Variants in TJP1 observed in about 807,000 individuals in gnomAD.
TJP1 encodes the protein tight junction protein ZO-1.
Under a neutral mutation model 194.2 loss-of-function variants are expected in TJP1, and 43 were observed. That is an observed-to-expected ratio of 0.22 (90% confidence interval 0.17 to 0.29). The LOEUF is 0.29. TJP1 is among the 10% of genes least tolerant of loss of function. The pLI is 1.00. For synonymous variants in TJP1, 801 were observed against 779.0 expected (o/e 1.03, Z -0.47); for missense variants, 1,971 against 2,185.7 (o/e 0.90, Z 1.96).
chr15:29,831,025 C>T (rs1224409657), intron 2 of TJP1, among the ~76,000 whole-genome samples: 1 of 152,050 alleles, frequency 6.6e-6, no homozygotes, highest in Non-Finnish European at 1.5e-5. Flanking sequence ...ATCTAAAACC[C>T]ATTAATTCAC....
intron 2 of TJP1, among the ~76,000 whole-genome samples, chr15:29,909,260 C>T (rs915459128): frequency 1.3e-5 from 2 of 149,930 alleles, no homozygotes; most frequent in African/African-American, 2.5e-5. Context: ...ATCGCTTGAA[C>T]CCAGGAGGCA....
At chr15:29,734,144 T>C in intron 12 of TJP1, 130 bp downstream of exon 12, 1 of 622,928 alleles carries the variant, frequency 1.6e-6, no homozygotes, top group East Asian at 2.9e-5. Context: ...ATTACATAAC[T>C]TTCTTTGAGA....
chr15:29,819,098 G>T (rs559252387), intron 1 of TJP1, among the ~76,000 whole-genome samples: 3 of 152,258 alleles, frequency 2.0e-5, no homozygotes, highest in Non-Finnish European at 4.4e-5. Context: ...ATGCACGGAG[G>T]ATTCTTTTCA....
At chr15:29,884,630 C>T (rs564825252) in intron 2 of TJP1, among the ~76,000 whole-genome samples, 16 of 152,300 alleles carry the variant, frequency 1.1e-4, no homozygotes, top group East Asian at 3.9e-4. Context: ...AGTTCTGCAA[C>T]GTACAGCAAT....
chr15:29,828,991 G>A (rs2050755508), intron 2 of TJP1, among the ~76,000 whole-genome samples: 1 of 152,120 alleles, frequency 6.6e-6, no homozygotes, highest in Admixed American at 6.6e-5. Context: ...GACCTTAAGT[G>A]ATCCACCGCC....
At chr15:29,869,119 T>C (rs2052404329) in intron 2 of TJP1, among the ~76,000 whole-genome samples, 1 of 152,226 alleles carries the variant, frequency 6.6e-6, no homozygotes, top group South Asian at 2.1e-4. Flanking sequence ...GATTCCGATC[T>C]CACTCCTTAT....
intron 1 of TJP1, among the ~76,000 whole-genome samples, chr15:29,809,316 A>T (rs2049326770): frequency 6.6e-6 from 1 of 152,190 alleles, no homozygotes; most frequent in Admixed American, 6.5e-5. Flanking sequence ...ACAGTTAACC[A>T]ATTTACAGGA....
At chr15:29,961,337 T>TTC (rs1438442535) in intron 1 of TJP1, among the ~76,000 whole-genome samples, 1 of 134,118 alleles carries the variant, frequency 7.5e-6, no homozygotes, top group African/African-American at 2.8e-5. Flanking sequence ...CCTAATTCTT[T>TTC]TTTTTTTTTT....
At chr15:29,845,757 T>C (rs1184114862) in intron 2 of TJP1, among the ~76,000 whole-genome samples, 2 of 152,294 alleles carry the variant, frequency 1.3e-5, no homozygotes, top group Non-Finnish European at 2.9e-5. Flanking sequence ...TGAGCTGATA[T>C]AGCGCCACTG....
chr15:29,822,323 G>T lies in TJP1; in HGVS notation c.-295C>A, dbSNP rs969719702. 4.2e-5 allele frequency: 46 copies of T among 1,084,070 alleles called. No homozygotes were observed. Among genetic ancestry groups the T allele is most frequent in the Non-Finnish European group, 5.1e-5 (46 of 893,324 alleles). The allele number at this position is 1,084,070 out of a possible 1,614,324, so 67.2% of individuals were successfully genotyped here. On this transcript the variant is annotated 5_prime_UTR_variant, in exon 1 of 28. Transcript: ENST00000614355. ...TTCGCAGCCCGGCCACGTCGGCCTC[G>T]CCCGGTCGCCCGCCCGTCAGCAGCA...
At chr15:29,857,043 T>A (rs2152094053) in intron 2 of TJP1, among the ~76,000 whole-genome samples, 1 of 152,344 alleles carries the variant, frequency 6.6e-6, no homozygotes, top group South Asian at 2.1e-4. Flanking sequence ...ATGCAAATAT[T>A]ATTCAATTTT....
chr15:29,922,120 T>G (rs150270147), intron 2 of TJP1, among the ~76,000 whole-genome samples: 1 of 152,308 alleles, frequency 6.6e-6, no homozygotes, highest in East Asian at 1.9e-4. Context: ...GTGTCGGGAT[T>G]ACAGGTGTGA....
chr15:29,881,115 G>GT (rs888639866), intron 2 of TJP1, among the ~76,000 whole-genome samples: 32 of 151,980 alleles, frequency 2.1e-4, no homozygotes, highest in African/African-American at 6.8e-4. Flanking sequence ...GTCTTTTGTG[G>GT]TTTTTTTCAT....
intron 8 of TJP1, among the ~76,000 whole-genome samples, chr15:29,760,598 A>G (rs1158598616): frequency 6.6e-6 from 1 of 152,044 alleles, no homozygotes; most frequent in Admixed American, 6.6e-5. Context: ...GCTGGTCTTG[A>G]TCTCCTGGCC....
intron 6 of TJP1, among the ~76,000 whole-genome samples, chr15:29,761,989 C>A (rs1012928527): frequency 6.6e-6 from 1 of 152,116 alleles, no homozygotes; most frequent in African/African-American, 2.4e-5. Context: ...TCCCCTAACT[C>A]CTTCTTTGAG....
In TJP1 at chr15:29,895,565, A is replaced by T. The variant is rs759297670; in HGVS notation, c.306+60667T>A. On this transcript the variant is annotated intron_variant, in intron 2 of 28. Transcript: ENST00000356107. The stretch of plus-strand genomic sequence containing the variant: ...TATTTCTGACAATATTCTGATCACA[A>T]CCACTTAAGCATTCCGTAAGAAGAT... Among the ~76,000 whole-genome samples, 7 of 152,276 alleles carry T rather than the reference A, an allele frequency of 4.6e-5. 1 individual carries two copies. The South Asian group carries it at 6.2e-4, about 14-fold the overall frequency.
chr15:29,916,102 G>A (rs564929714), intron 2 of TJP1, among the ~76,000 whole-genome samples: 3 of 151,984 alleles, frequency 2.0e-5, no homozygotes, highest in South Asian at 4.2e-4. Context: ...AAAATTAGCC[G>A]GGCGTGGTGG....
chr15:29,966,859 T>C (rs1228734141), intron 1 of TJP1, among the ~76,000 whole-genome samples: 4 of 152,096 alleles, frequency 2.6e-5, no homozygotes, highest in African/African-American at 7.2e-5. Flanking sequence ...CCACATACCA[T>C]CAATCTGAGA....
At chr15:29,718,226 C>A in intron 21 of TJP1, 40 bp downstream of exon 21, 2 of 1,597,544 alleles carry the variant, frequency 1.3e-6, no homozygotes, top group South Asian at 1.1e-5. Context: ...GCCTTTTAAA[C>A]GGTGTGCCCA....
Sources: allele counts gnomAD v4.1 joint callset (sites outside exome capture counted in the v4.1 genomes callset), GRCh38; gene constraint gnomAD v4.1.1; transcripts MANE v1.5; gene names NCBI Gene and HGNC (gene_info 2026-07-23, HGNC 2026-07-21).